Variants in GREM2 observed in about 807,000 individuals in gnomAD.
The protein encoded by GREM2 is gremlin 2, DAN family BMP antagonist, also known as gremlin-2.
Under a neutral mutation model 14.2 loss-of-function variants are expected in GREM2, and 11 were observed. The observed-to-expected ratio is 0.78, with a 90% CI of 0.49 to 1.28. The LOEUF (loss-of-function observed/expected upper bound fraction) is 1.28, where lower values mean the gene tolerates loss of function less well. Ranked by LOEUF, GREM2 falls within the 50% of genes most tolerant of loss-of-function variation. The pLI is 0.00. For missense variants in GREM2, 210 were observed against 218.5 expected (o/e 0.96, Z 0.24); for synonymous variants, 98 against 97.6 (o/e 1.00, Z -0.02).
intron 1 of GREM2, among the ~76,000 whole-genome samples, chr1:240,520,368 C>T (rs1237364965): frequency 6.6e-6 from 1 of 152,158 alleles, no homozygotes; most frequent in Non-Finnish European, 1.5e-5. Flanking sequence ...ATAACCACCT[C>T]AACCTTTACT....
At chr1:240,587,663 T>C (rs1202061076) in intron 1 of GREM2, among the ~76,000 whole-genome samples, 1 of 152,214 alleles carries the variant, frequency 6.6e-6, no homozygotes, top group Non-Finnish European at 1.5e-5. Flanking sequence ...ATAGCTTTAA[T>C]ATACTATTCT....
At chr1:240,568,743 A>G (rs922050793) in intron 1 of GREM2, among the ~76,000 whole-genome samples, 4 of 152,226 alleles carry the variant, frequency 2.6e-5, no homozygotes, top group African/African-American at 9.6e-5. Context: ...TCTCAAATGA[A>G]CGACATAATT....
At position 240,489,819 on chromosome 1, in the gene GREM2, G is replaced by A. The variant is rs1340284459; in HGVS notation, c.*3150C>T. 1 of 152,000 alleles carries A rather than the reference G, an allele frequency of 6.6e-6. No homozygotes were observed. The highest frequency in any genetic ancestry group is 1.5e-5 in the Non-Finnish European group (1 of 67,990). The allele number at this position is 152,000 out of a possible 1,614,324, so 9.4% of individuals were successfully genotyped here. ...TGACTTTATAACTTAAAAATCATCT[G>A]GCCAATTTCAAAAACAAGTGAGTTA... is the stretch of plus-strand genomic sequence containing the variant. On this transcript the variant is annotated 3_prime_UTR_variant, in exon 2 of 2. Coordinates refer to ENST00000318160, the MANE Select transcript of GREM2 (RefSeq NM_022469.4).
chr1:240,504,607 A>C (rs569273272), intron 1 of GREM2, among the ~76,000 whole-genome samples: 2 of 152,340 alleles, frequency 1.3e-5, no homozygotes, highest in South Asian at 4.1e-4. Flanking sequence ...GTACAAAAAA[A>C]GGCTCTAGGG....
chr1:240,538,827 T>C (rs1678532347), intron 1 of GREM2, among the ~76,000 whole-genome samples: 1 of 152,244 alleles, frequency 6.6e-6, no homozygotes, highest in Non-Finnish European at 1.5e-5. Flanking sequence ...AGTGAAATAC[T>C]ACGTGTGGGT....
At chr1:240,601,257 G>A (rs892587079) in intron 1 of GREM2, among the ~76,000 whole-genome samples, 8 of 152,168 alleles carry the variant, frequency 5.3e-5, no homozygotes, top group African/African-American at 1.9e-4. Flanking sequence ...GAGGATTACT[G>A]ATACAAAGTG....
chr1:240,492,989 T>A lies in GREM2; in HGVS notation c.487A>T (p.Ser163Cys), dbSNP rs769588337. 6.5e-7 allele frequency: 1 copy of A among 1,550,236 alleles called. No homozygotes were observed. The highest frequency in any genetic ancestry group is 8.8e-7 in the Non-Finnish European group (1 of 1,142,466). ...GGCGCTCACTGCTTGTCCGAGTCGC[T>A]CAGGTTCACGGACATGCACCGGCAC... ...KQCRCMSVNL[S>C]DSDKQ Residue 163 changes from serine (S) to cysteine (C), a missense_variant, in exon 2 of 2, where the codon AGC becomes TGC. Physicochemically the swap from Ser to Cys is moderately radical, Grantham distance 112. Transcript: ENST00000318160.
chr1:240,600,118 A>C (rs187600928), intron 1 of GREM2, among the ~76,000 whole-genome samples: 10 of 152,304 alleles, frequency 6.6e-5, no homozygotes, highest in African/African-American at 2.4e-4. Flanking sequence ...AGAAGGGTAG[A>C]CTGGGAATGA....
At chr1:240,583,596 C>T (rs552460439) in intron 1 of GREM2, among the ~76,000 whole-genome samples, 2 of 145,818 alleles carry the variant, frequency 1.4e-5, no homozygotes, top group Admixed American at 1.4e-4. Context: ...CTTCATCTTA[C>T]TCATCTCTAT....
At chr1:240,515,922 A>G (rs745490312) in intron 1 of GREM2, among the ~76,000 whole-genome samples, 5 of 152,132 alleles carry the variant, frequency 3.3e-5, no homozygotes, top group Non-Finnish European at 5.9e-5. Flanking sequence ...AGTTAATGCT[A>G]AATTACTAGG....
intron 1 of GREM2, among the ~76,000 whole-genome samples, chr1:240,547,912 T>C (rs1258681978): frequency 6.6e-6 from 1 of 151,712 alleles, no homozygotes; most frequent in African/African-American, 2.4e-5. Flanking sequence ...GAATACTAAA[T>C]ATGTTATCTG....
At chr1:240,564,152 G>A (rs555503933) in intron 1 of GREM2, among the ~76,000 whole-genome samples, 12 of 151,988 alleles carry the variant, frequency 7.9e-5, no homozygotes, top group Non-Finnish European at 1.3e-4. Context: ...AGGCTGCAAT[G>A]AGCTGTAACT....
At chr1:240,544,151 C>CTTTTT (rs61269911) in intron 1 of GREM2, among the ~76,000 whole-genome samples, 1 of 137,454 alleles carries the variant, frequency 7.3e-6, no homozygotes, top group African/African-American at 2.7e-5. Context: ...AGCACTAGGC[C>CTTTTT]TTTTTTTTTT....
chr1:240,532,636 TATATATAG>T (rs146238019), intron 1 of GREM2, among the ~76,000 whole-genome samples: 17,015 of 80,596 alleles, frequency 0.21, 1,053 homozygotes, highest in South Asian at 0.27. Flanking sequence ...ATATAAGAGA[TATATATAG>T]ATAGATAGAT....
At chr1:240,567,542 A>G (rs1394681820) in intron 1 of GREM2, among the ~76,000 whole-genome samples, 1 of 152,172 alleles carries the variant, frequency 6.6e-6, no homozygotes, top group Non-Finnish European at 1.5e-5. Context: ...GAAAGCAAAA[A>G]CCCGATAAAC....
intron 1 of GREM2, among the ~76,000 whole-genome samples, chr1:240,538,322 C>G (rs773424068): frequency 1.3e-5 from 2 of 152,138 alleles, no homozygotes; most frequent in Non-Finnish European, 2.9e-5. Flanking sequence ...CAATGCCAAC[C>G]CTTTCAGTAA....
At chr1:240,516,092 T>C (rs1677949690) in intron 1 of GREM2, among the ~76,000 whole-genome samples, 1 of 151,408 alleles carries the variant, frequency 6.6e-6, no homozygotes. Flanking sequence ...AAGTTTGGTT[T>C]GGAATCAAGG....
At chr1:240,584,989 AG>A (rs1488327649) in intron 1 of GREM2, among the ~76,000 whole-genome samples, 10 of 151,882 alleles carry the variant, frequency 6.6e-5, no homozygotes, top group African/African-American at 2.4e-4. Flanking sequence ...CTTCCATTTG[AG>A]GGGGAAAAAA....
At chr1:240,596,079 AAAT>A (rs1679814257) in intron 1 of GREM2, among the ~76,000 whole-genome samples, 1 of 152,184 alleles carries the variant, frequency 6.6e-6, no homozygotes. Context: ...AGAATACTCC[AAAT>A]AAGTGTTCTG....
Sources: gnomAD v4.1 joint callset for allele counts (sites outside exome capture counted in the v4.1 genomes callset) on GRCh38, gnomAD v4.1.1 for gene constraint, MANE v1.5 for transcripts, NCBI Gene and HGNC (gene_info 2026-07-23, HGNC 2026-07-21) for gene names.